Variants in CSPP1 observed in about 807,000 individuals in gnomAD.
CSPP1 encodes centrosome and spindle pole-associated protein 1.
Under a neutral mutation model 164.4 loss-of-function variants are expected in CSPP1, and 126 were observed. That is an observed-to-expected ratio of 0.77 (90% confidence interval 0.66 to 0.89). The LOEUF is 0.89. Among genes scored for constraint, CSPP1 ranks in the 40% least tolerant of loss-of-function variants. CSPP1 has a pLI of 0.00. For missense variants in CSPP1, 1,395 were observed against 1,449.8 expected, an observed-to-expected ratio of 0.96 and a Z score of 0.61; for synonymous variants, 472 against 476.7, an observed-to-expected ratio of 0.99 and a Z score of 0.13.
chr8:67,073,452 G>A (rs1305076857), intron 1 of CSPP1, among the ~76,000 whole-genome samples: 1 of 152,168 alleles, frequency 6.6e-6, no homozygotes, highest in East Asian at 1.9e-4. Context: ...AAAGAAAGAT[G>A]GTAGAGATAG....
At chr8:67,074,786 C>CTTT in intron 2 of CSPP1, 10 of 271,014 alleles carry the variant, frequency 3.7e-5, no homozygotes, top group South Asian at 1.3e-4. Context: ...AAAATAATTG[C>CTTT]TTTTTTTTTT....
At position 67,064,428 on chromosome 8, in the gene CSPP1, A is replaced by C; in HGVS notation, c.-121A>C. The C allele has an allele frequency of 1.2e-6, 2 of 1,613,882 alleles. No individual in the cohort carries two copies. The highest frequency in any genetic ancestry group is 1.7e-4 in the Middle Eastern group (1 of 6,060). ...TGTTCCCGCTCCAGGTGGCCGCTGT[A>C]ACCTCTTCGGTCCGCGACGATCCTC... On this transcript the variant is annotated 5_prime_UTR_variant, in exon 1 of 31. Transcript: ENST00000678616.
chr8:67,118,497 AT>A, intron 14 of CSPP1, 128 bp downstream of exon 14: 1 of 917,876 alleles, frequency 1.1e-6, no homozygotes, highest in Non-Finnish European at 1.7e-6. Context: ...TTATATATTG[AT>A]TTAATAAATG....
chr8:67,074,201 A>T, intron 1 of CSPP1, 42 bp from the exon 2 acceptor site: 1 of 1,137,604 alleles, frequency 8.8e-7, no homozygotes, highest in Non-Finnish European at 1.3e-6. Flanking sequence ...TAGGCTAAAA[A>T]TACTGTGATA....
chr8:67,192,066 G>GTTTTTT (rs34907123), intron 29 of CSPP1, among the ~76,000 whole-genome samples: 10 of 129,846 alleles, frequency 7.7e-5, no homozygotes, highest in African/African-American at 1.8e-4. Flanking sequence ...TTGCTGATTT[G>GTTTTTT]TTTTTTTTTT....
chr8:67,169,934 G>A (rs1426984183), intron 24 of CSPP1, among the ~76,000 whole-genome samples: 2 of 151,998 alleles, frequency 1.3e-5, no homozygotes, highest in African/African-American at 4.8e-5. Flanking sequence ...TTTTAGTAGA[G>A]ACGTGGTTTT....
Position 67,095,686 on chromosome 8 carries a change from G to T in CSPP1, c.877G>T (p.Glu293Ter). Reference protein sequence around the residue: ...SEEMDERFRYESDFDRRLSRV... With the variant: ...SEEMDERFRY ...AGAAATGGATGAGAGGTTTAGATAT[G>T]AAAGTGATTTTGATAGAAGACTTTC... The change falls in exon 7 of 31, where the codon GAA becomes TAA. Residue 293 changes from glutamate (E) to a stop codon, truncating the protein, a stop_gained. Coordinates refer to ENST00000678616, the MANE Select transcript of CSPP1 (RefSeq NM_001382391.1). LOFTEE classifies it high-confidence loss of function. 6.2e-7 allele frequency: 1 copy of T among 1,608,440 alleles called. No individual in the cohort carries two copies. Among genetic ancestry groups the T allele is most frequent in the South Asian group, 1.1e-5 (1 of 89,546 alleles).
At chr8:67,143,058 C>T (rs963696269) in intron 17 of CSPP1, among the ~76,000 whole-genome samples, 6 of 151,882 alleles carry the variant, frequency 4.0e-5, no homozygotes, top group Non-Finnish European at 8.8e-5. Flanking sequence ...ATACCTTGTT[C>T]GAATTTTACC....
intron 21 of CSPP1, among the ~76,000 whole-genome samples, chr8:67,159,702 A>G (rs1827386659): frequency 6.7e-6 from 1 of 149,556 alleles, no homozygotes; most frequent in East Asian, 2.0e-4. Flanking sequence ...TTGTATTTTT[A>G]GCAGAGACGG....
At chr8:67,147,700 T>C (rs1380174289) in intron 17 of CSPP1, among the ~76,000 whole-genome samples, 1 of 152,148 alleles carries the variant, frequency 6.6e-6, no homozygotes, top group Non-Finnish European at 1.5e-5. Context: ...CGAGATGCTG[T>C]CCAGACTTCA....
chr8:67,150,041 G>A, intron 18 of CSPP1, 106 bp downstream of exon 18: 1 of 1,203,444 alleles, frequency 8.3e-7, no homozygotes, highest in Non-Finnish European at 1.1e-6. Flanking sequence ...TGAGAATTTG[G>A]CTATCCTGAT....
intron 28 of CSPP1, among the ~76,000 whole-genome samples, chr8:67,188,772 A>G (rs931744043): frequency 2.0e-5 from 3 of 152,162 alleles, no homozygotes; most frequent in Non-Finnish European, 4.4e-5. Flanking sequence ...GCTGCTCCCA[A>G]TCAGGCTAAA....
chr8:67,086,918 T>A (rs1313059798), intron 4 of CSPP1: 3 of 806,142 alleles, frequency 3.7e-6, no homozygotes, highest in Non-Finnish European at 5.5e-6. Flanking sequence ...TCTAGAAGGT[T>A]GCAATCATTT....
intron 21 of CSPP1, among the ~76,000 whole-genome samples, chr8:67,159,830 CTTTCTTTCTTTCTTTCTTTCTT>C (rs1827434653): frequency 4.0e-5 from 5 of 124,692 alleles, no homozygotes; most frequent in South Asian, 2.4e-4. Context: ...CCTTCTCTCT[CTTTCTTTCTTTCTTTCTTTCTT>C]TTTCTTTCTT....
chr8:67,179,816 TG>T, intron 27 of CSPP1, 46 bp from the exon 28 acceptor site: 1 of 1,342,848 alleles, frequency 7.4e-7, no homozygotes, highest in Non-Finnish European at 1.1e-6. Flanking sequence ...TTGTTGTTTT[TG>T]TACACAAAAC....
intron 6 of CSPP1, among the ~76,000 whole-genome samples, chr8:67,094,435 G>T (rs1268740311): frequency 1.3e-5 from 2 of 151,522 alleles, no homozygotes; most frequent in Non-Finnish European, 2.9e-5. Flanking sequence ...CACCACGCCT[G>T]GCTAATTTTT....
intron 1 of CSPP1, among the ~76,000 whole-genome samples, chr8:67,069,612 GT>G (rs999564501): frequency 6.6e-5 from 9 of 135,602 alleles, no homozygotes; most frequent in African/African-American, 1.1e-4. Context: ...GCATGTTACT[GT>G]TTTTTTTTTC....
At chr8:67,161,101 A>G (rs1330227537) in intron 21 of CSPP1, among the ~76,000 whole-genome samples, 1 of 152,208 alleles carries the variant, frequency 6.6e-6, no homozygotes, top group Non-Finnish European at 1.5e-5. Flanking sequence ...TATAGACATG[A>G]GCCACTGCAC....
chr8:67,184,561 C>T (rs1302050524), intron 28 of CSPP1, among the ~76,000 whole-genome samples: 3 of 150,796 alleles, frequency 2.0e-5, no homozygotes, highest in African/African-American at 7.3e-5. Flanking sequence ...AACATCTCTA[C>T]TAAAAATATA....
Sources: gnomAD v4.1 joint callset for allele counts (sites outside exome capture counted in the v4.1 genomes callset) on GRCh38, gnomAD v4.1.1 for gene constraint, MANE v1.5 for transcripts, NCBI Gene and HGNC (gene_info 2026-07-23, HGNC 2026-07-21) for gene names.